Variants in CTNNA3 observed in about 807,000 individuals in gnomAD.
The protein encoded by CTNNA3 is catenin alpha 3, also known as catenin alpha-3.
In CTNNA3, 76 loss-of-function variants were observed where a neutral mutation model predicts 95.7. That is an observed-to-expected ratio of 0.79 (90% CI 0.66 to 0.96). CTNNA3 has a LOEUF of 0.96. Ranked by LOEUF, CTNNA3 falls within the 40% of genes least tolerant of loss-of-function variation. CTNNA3 has a pLI of 0.00. For missense variants in CTNNA3, 1,191 were observed against 1,089.8 expected (o/e 1.09, Z -1.31); for synonymous variants, 431 against 374.4 (o/e 1.15, Z -1.74).
chr10:66,778,960 G>A lies in CTNNA3; in HGVS notation c.1048-3436C>T, dbSNP rs543769835. ...CACTGCACTCCAGCCTGGCAACAGA[G>A]CAAGACTCCATATCAAAAAACATTT... On this transcript the variant is annotated intron_variant, in intron 7 of 17. Transcript: ENST00000433211. Among the ~76,000 whole-genome samples the A allele has an allele frequency of 1.8e-4, 28 of 152,004 alleles. 1 individual carries two copies. The South Asian group carries it at 5.6e-3, about 30-fold the overall frequency.
At chr10:65,992,564 G>T (rs991191820) in intron 15 of CTNNA3, among the ~76,000 whole-genome samples, 1 of 151,946 alleles carries the variant, frequency 6.6e-6, no homozygotes, top group Non-Finnish European at 1.5e-5. Flanking sequence ...ATGACCTTTT[G>T]TATTTCTGTG....
intron 1 of CTNNA3, among the ~76,000 whole-genome samples, chr10:67,704,432 T>C (rs1215168929): frequency 2.6e-5 from 4 of 152,082 alleles, no homozygotes; most frequent in African/African-American, 9.7e-5. Flanking sequence ...AACAGAGATA[T>C]AGATCAATGG....
intron 12 of CTNNA3, among the ~76,000 whole-genome samples, chr10:66,370,865 A>G (rs2092748791): frequency 6.6e-6 from 1 of 152,076 alleles, no homozygotes; most frequent in Non-Finnish European, 1.5e-5. Flanking sequence ...GTGTACCACC[A>G]TGCCTGGCTA....
At chr10:66,183,590 G>T (rs1034008807) in intron 13 of CTNNA3, among the ~76,000 whole-genome samples, 1 of 152,090 alleles carries the variant, frequency 6.6e-6, no homozygotes, top group East Asian at 1.9e-4. Context: ...ATTGGGTTGG[G>T]GTTAACACTT....
At chr10:66,089,418 C>G (rs1169223496) in intron 14 of CTNNA3, among the ~76,000 whole-genome samples, 2 of 151,382 alleles carry the variant, frequency 1.3e-5, no homozygotes, top group African/African-American at 4.8e-5. Context: ...TTCCTTCCTT[C>G]CTTTCTTCCT....
In CTNNA3 at chr10:67,613,826, T is replaced by G. The variant is rs149517874; in HGVS notation, c.100-6777A>C. Among the ~76,000 whole-genome samples the G allele has an allele frequency of 2.1e-3, 321 of 152,282 alleles. 2 individuals carry two copies. The East Asian group carries it at 0.031, about 15-fold the overall frequency. ...CCTTTTTGGTACCAGAGACCCATTT[T>G]ATGGAAGACAACTTTTCCACAGACC... On this transcript the variant is annotated intron_variant, in intron 2 of 17. Transcript: ENST00000433211.
At chr10:66,965,720 C>T (rs1849378363) in intron 7 of CTNNA3, among the ~76,000 whole-genome samples, 1 of 151,980 alleles carries the variant, frequency 6.6e-6, no homozygotes, top group African/African-American at 2.4e-5. Context: ...TTTCTCTCTT[C>T]CTTCCATCTT....
chr10:66,574,820 T>C lies in CTNNA3; in HGVS notation c.1374+46872A>G, dbSNP rs575006865. ...GCAAGGATGCTCATGCCATAGCCTA[T>C]GCTCAAAAGAGGATTCTTAGTCTAC... On this transcript the variant is annotated intron_variant, in intron 10 of 17. Coordinates refer to ENST00000433211, the MANE Select transcript of CTNNA3 (RefSeq NM_013266.4). 1.4e-4 allele frequency among the ~76,000 whole-genome samples: 21 copies of C among 152,294 alleles called. No homozygotes were observed. In the South Asian group the frequency reaches 4.3e-3, roughly 32 times the overall value.
intron 3 of CTNNA3, among the ~76,000 whole-genome samples, chr10:67,594,017 G>A (rs1311638737): frequency 3.3e-5 from 5 of 152,138 alleles, no homozygotes; most frequent in Middle Eastern, 3.4e-3. Context: ...TGAGATGATC[G>A]TGTGTTGTCT....
intron 9 of CTNNA3, among the ~76,000 whole-genome samples, chr10:66,716,442 C>G (rs1406539262): frequency 6.6e-6 from 1 of 152,164 alleles, no homozygotes; most frequent in African/African-American, 2.4e-5. Flanking sequence ...GACAGCAGTT[C>G]AAACTGCAAA....
chr10:67,026,695 C>A (rs542139959), intron 7 of CTNNA3, among the ~76,000 whole-genome samples: 2 of 152,254 alleles, frequency 1.3e-5, no homozygotes, highest in South Asian at 4.2e-4. Context: ...TCAGTTTGAG[C>A]AACCAGTGAC....
intron 9 of CTNNA3, among the ~76,000 whole-genome samples, chr10:66,748,889 T>C (rs528479395): frequency 3.6e-4 from 55 of 151,862 alleles, no homozygotes; most frequent in African/African-American, 1.3e-3. Context: ...GATTTTCTCC[T>C]AGGTTGGGCA....
rs1229155390 is a variant in CTNNA3, at chr10:66,895,015, C to G, written c.1048-119491G>C. 3.9e-5 allele frequency among the ~76,000 whole-genome samples: 5 copies of G among 128,808 alleles called. No homozygotes were observed. The East Asian group carries it at 8.9e-4, about 23-fold the overall frequency. 84.5% of individuals were successfully genotyped at this position (128,808 alleles called of 152,430 possible). ...TATATATATTTATATATAATTGTGC[C>G]ATTGGCGAGAGCTATAGAGAAAAAG... On this transcript the variant is annotated intron_variant, in intron 7 of 17. Coordinates refer to ENST00000433211, the MANE Select transcript of CTNNA3 (RefSeq NM_013266.4).
chr10:66,363,362 A>C (rs2092690167), intron 12 of CTNNA3, among the ~76,000 whole-genome samples: 2 of 152,294 alleles, frequency 1.3e-5, no homozygotes, highest in African/African-American at 4.8e-5. Flanking sequence ...GAGCCCTCAT[A>C]ATGGGATTAG....
intron 1 of CTNNA3, among the ~76,000 whole-genome samples, chr10:67,671,954 G>A (rs1320482759): frequency 2.6e-5 from 4 of 152,004 alleles, no homozygotes; most frequent in Non-Finnish European, 5.9e-5. Context: ...CACAATGGTT[G>A]AACTAGTTTA....
At chr10:66,079,419 AC>A (rs2080658744) in intron 14 of CTNNA3, 1 of 152,024 alleles carries the variant, frequency 6.6e-6, no homozygotes, top group South Asian at 2.1e-4. Flanking sequence ...GAATAGTATA[AC>A]AACTAAAGTA....
intron 5 of CTNNA3, among the ~76,000 whole-genome samples, chr10:67,312,844 C>A (rs975753547): frequency 1.2e-4 from 18 of 152,124 alleles, no homozygotes; most frequent in African/African-American, 3.9e-4. Flanking sequence ...GGACTTTGAT[C>A]TAAAACCCAG....
At chr10:67,419,368 C>T (rs1015367154) in intron 5 of CTNNA3, among the ~76,000 whole-genome samples, 1 of 151,910 alleles carries the variant, frequency 6.6e-6, no homozygotes, top group Non-Finnish European at 1.5e-5. Context: ...TTTTTAATTT[C>T]AACTTTTATT....
intron 7 of CTNNA3, among the ~76,000 whole-genome samples, chr10:66,878,407 A>T (rs1844711334): frequency 6.6e-6 from 1 of 152,158 alleles, no homozygotes; most frequent in South Asian, 2.1e-4. Context: ...CTTCACGGTA[A>T]TTCAAAACGT....
Sources: gnomAD v4.1 joint callset for allele counts (sites outside exome capture counted in the v4.1 genomes callset) on GRCh38, gnomAD v4.1.1 for gene constraint, MANE v1.5 for transcripts, NCBI Gene and HGNC (gene_info 2026-07-23, HGNC 2026-07-21) for gene names.